OPRD1: variants seen among roughly 807,000 people sequenced by gnomAD.
OPRD1 encodes the protein delta-type opioid receptor.
Under a neutral mutation model 17.5 loss-of-function variants are expected in OPRD1, and 19 were observed. The ratio of observed to expected loss-of-function variants is 1.09; its 90% CI spans 0.76 to 1.60. OPRD1 has a LOEUF of 1.60. Among genes scored for constraint, OPRD1 ranks in the 40% most tolerant of loss-of-function variants. The pLI, the probability that OPRD1 is intolerant of heterozygous loss-of-function variation, is 0.00. For synonymous variants in OPRD1, 256 were observed against 240.9 expected (o/e 1.06, Z -0.58); for missense variants, 483 against 547.2 (o/e 0.88, Z 1.17).
chr1:28,812,391 C>A lies in OPRD1; in HGVS notation c.8C>A (p.Pro3Gln). The change falls in exon 1 of 3, where the codon CCG becomes CAG. Residue 3 changes from proline to glutamine, a missense_variant. By Grantham distance (76) the Pro-to-Gln change is moderately conservative. Transcript: ENST00000234961. ...CGGAGCCGGCCGGCAGCCATGGAAC[C>A]GGCCCCCTCCGCCGGCGCCGAGCTG... The part of the protein sequence containing the change: ME[P>Q]APSAGAELQP... The A allele has an allele frequency of 7.0e-7, 1 of 1,425,382 alleles. No homozygotes were observed. Among genetic ancestry groups the A allele is most frequent in the South Asian group, 1.4e-5 (1 of 69,208 alleles). 88.3% of individuals were successfully genotyped at this position (1,425,382 alleles called of 1,614,324 possible). A position where few individuals can be genotyped will look rare whatever the true frequency, so the allele number is the denominator to read the frequency against.
intron 1 of OPRD1, among the ~76,000 whole-genome samples, chr1:28,815,684 G>A (rs969767786): frequency 2.0e-5 from 3 of 152,190 alleles, no homozygotes; most frequent in Non-Finnish European, 4.4e-5. Flanking sequence ...CTCGAGCTGC[G>A]CTCCATCTGC....
intron 1 of OPRD1, among the ~76,000 whole-genome samples, chr1:28,852,071 G>A (rs1312156489): frequency 6.6e-6 from 1 of 150,820 alleles, no homozygotes; most frequent in East Asian, 1.9e-4. Context: ...GGAGGCTGAG[G>A]CAGGAGAATG....
In OPRD1 at chr1:28,868,046, GAGGAGGAGGGCGTTCCC is replaced by G. The variant is rs926595171; in HGVS notation, c.*4774_*4790del. On this transcript the variant is annotated 3_prime_UTR_variant, in exon 3 of 3. Transcript: ENST00000234961. Reference sequence around the variant, plus strand: ...AGAGAATGTGCTACCATGGAAACTGGAGGAGGAGGGCGTTCCCAGGAGGAGGGAGTGATGGATAATGT... The same window carrying G: ...AGAGAATGTGCTACCATGGAAACTGGAGGAGGAGGGAGTGATGGATAATGT... The G allele has an allele frequency of 5.9e-5, 9 of 152,516 alleles. No homozygotes were observed. The highest frequency in any genetic ancestry group is 2.0e-4 in the Admixed American group (3 of 15,286). 9.4% of individuals were successfully genotyped at this position (152,516 alleles called of 1,614,324 possible).
rs1158512517 is a variant in OPRD1, at chr1:28,863,235, C to T, written c.1071C>T (p.Val357=). 6.4e-7 allele frequency: 1 copy of T among 1,552,092 alleles called. No individual in the cohort carries two copies. The highest frequency in any genetic ancestry group is 8.6e-7 in the Non-Finnish European group (1 of 1,157,926). ...GCGAAGCCACGGCCCGCGAGCGTGT[C>T]ACCGCCTGCACCCCGTCCGATGGTC... ...RAREATARER[V]TACTPSDGPG... is the part of the protein sequence containing the mutation. Residue 357 remains valine (V), a synonymous_variant, in exon 3 of 3, where the codon GTC becomes GTT. Transcript: ENST00000234961.
chr1:28,824,300 C>CTTTTTCT (rs1190426641), intron 1 of OPRD1, among the ~76,000 whole-genome samples: 2 of 141,166 alleles, frequency 1.4e-5, no homozygotes, highest in Non-Finnish European at 1.5e-5. Flanking sequence ...GATGATGGTT[C>CTTTTTCT]TTTTTCTTTT....
At position 28,863,246 on chromosome 1, in the gene OPRD1, C is replaced by G. The variant is rs751125712; in HGVS notation, c.1082C>G (p.Thr361Ser). The change falls in exon 3 of 3, where the codon ACC becomes AGC. Residue 361 changes from threonine (T) to serine (S), a missense_variant. Coordinates refer to ENST00000234961, the MANE Select transcript of OPRD1 (RefSeq NM_000911.4). ...ATARERVTAC[T>S]PSDGPGGGAA... ...GCCCGCGAGCGTGTCACCGCCTGCA[C>G]CCCGTCCGATGGTCCCGGCGGTGGC... 9 of 1,534,010 alleles carry G rather than the reference C, an allele frequency of 5.9e-6. No homozygotes were observed. The Admixed American group carries it at 6.1e-5, about 10-fold the overall frequency.
chr1:28,818,085 A>T (rs1441597102), intron 1 of OPRD1, among the ~76,000 whole-genome samples: 1 of 152,176 alleles, frequency 6.6e-6, no homozygotes, highest in African/African-American at 2.4e-5. Flanking sequence ...GAGATCGAGC[A>T]TGGAAAGGCT....
At chr1:28,840,689 A>G (rs1569629174) in intron 1 of OPRD1, among the ~76,000 whole-genome samples, 1 of 152,294 alleles carries the variant, frequency 6.6e-6, no homozygotes, top group East Asian at 1.9e-4. Flanking sequence ...TAGGAGGCCA[A>G]AGTGGGTGGA....
intron 1 of OPRD1, among the ~76,000 whole-genome samples, chr1:28,838,613 C>G (rs1179307393): frequency 6.6e-6 from 1 of 152,036 alleles, no homozygotes; most frequent in Non-Finnish European, 1.5e-5. Flanking sequence ...GGGGCAGCCT[C>G]AAAGGTACAT....
chr1:28,812,368 G>C lies in OPRD1; in HGVS notation c.-16G>C. Reference sequence around the variant, plus strand: ...GCGCACGGTGGAGAGGGACGCGGCGGAGCCGGCCGGCAGCCATGGAACCGG... The same window carrying C: ...GCGCACGGTGGAGAGGGACGCGGCGCAGCCGGCCGGCAGCCATGGAACCGG... On this transcript the variant is annotated 5_prime_UTR_variant, in exon 1 of 3. Coordinates refer to ENST00000234961, the MANE Select transcript of OPRD1 (RefSeq NM_000911.4). 1 of 1,368,602 alleles carries C rather than the reference G, an allele frequency of 7.3e-7. No homozygotes were observed. The highest frequency in any genetic ancestry group is 9.4e-7 in the Non-Finnish European group (1 of 1,068,628). The allele number at this position is 1,368,602 out of a possible 1,614,324, so 84.8% of individuals were successfully genotyped here. A position where few individuals can be genotyped will look rare whatever the true frequency, so the allele number is the denominator to read the frequency against.
Position 28,859,303 on chromosome 1 carries a change from G to A in OPRD1, c.577G>A (p.Asp193Asn). Residue 193 changes from aspartate (D) to asparagine (N), a missense_variant and splice_region_variant, in exon 2 of 3, where the codon GAC becomes AAC. Physicochemically the swap from Asp to Asn is conservative, Grantham distance 23. Transcript: ENST00000234961. The part of the protein sequence containing the change: ...IMVMAVTRPR[D>N]GAVVCMLQFP... ...GGTCATGGCTGTGACCCGTCCCCGG[G>A]GTGAGTGAGTGAGTGCACCATGGCA... 1.2e-6 allele frequency: 2 copies of A among 1,609,838 alleles called. No individual in the cohort carries two copies. The highest frequency in any genetic ancestry group is 1.7e-6 in the Non-Finnish European group (2 of 1,177,716).
At chr1:28,815,717 G>C (rs1196107299) in intron 1 of OPRD1, among the ~76,000 whole-genome samples, 1 of 152,208 alleles carries the variant, frequency 6.6e-6, no homozygotes, top group Non-Finnish European at 1.5e-5. Flanking sequence ...GCCCAAGCAG[G>C]GCCTGCCACA....
intron 1 of OPRD1, among the ~76,000 whole-genome samples, chr1:28,827,296 AAAAAC>A (rs1313145721): frequency 6.6e-6 from 1 of 152,196 alleles, no homozygotes. Flanking sequence ...ACCCTGTCTC[AAAAAC>A]AAAACAAAAC....
chr1:28,849,536 A>G (rs1339754513), intron 1 of OPRD1, among the ~76,000 whole-genome samples: 1 of 152,218 alleles, frequency 6.6e-6, no homozygotes, highest in African/African-American at 2.4e-5. Context: ...ACACAGGGGC[A>G]CACACACGTG....
intron 1 of OPRD1, among the ~76,000 whole-genome samples, chr1:28,815,586 G>C (rs1485325835): frequency 1.3e-5 from 2 of 152,218 alleles, no homozygotes; most frequent in Non-Finnish European, 2.9e-5. Flanking sequence ...CAGCTGCCTG[G>C]GTCTTGGCTT....
chr1:28,836,034 T>G (rs1394683763), intron 1 of OPRD1, among the ~76,000 whole-genome samples: 2 of 152,138 alleles, frequency 1.3e-5, no homozygotes, highest in Non-Finnish European at 2.9e-5. Context: ...CCCAGACATC[T>G]CTCCTTCTAG....
intron 1 of OPRD1, among the ~76,000 whole-genome samples, chr1:28,850,471 G>A (rs879665894): frequency 2.0e-5 from 3 of 151,964 alleles, no homozygotes; most frequent in African/African-American, 4.8e-5. Context: ...TTACAGGCAC[G>A]CTCCACCACG....
chr1:28,838,551 T>C (rs2088872101), intron 1 of OPRD1, among the ~76,000 whole-genome samples: 1 of 152,032 alleles, frequency 6.6e-6, no homozygotes, highest in African/African-American at 2.4e-5. Flanking sequence ...CTCACCCCCA[T>C]GGTGGCAGGT....
chr1:28,838,271 T>G (rs1488564249), intron 1 of OPRD1, among the ~76,000 whole-genome samples: 1 of 152,106 alleles, frequency 6.6e-6, no homozygotes, highest in Non-Finnish European at 1.5e-5. Flanking sequence ...TGTCAGAAAT[T>G]CTGAAGTCTT....
Sources: allele counts gnomAD v4.1 joint callset (sites outside exome capture counted in the v4.1 genomes callset), GRCh38; gene constraint gnomAD v4.1.1; transcripts MANE v1.5; gene names NCBI Gene and HGNC (gene_info 2026-07-23, HGNC 2026-07-21).